Variants in RNPEPL1 observed in about 807,000 individuals in gnomAD.
The protein encoded by RNPEPL1 is aminopeptidase RNPEPL1.
Under a neutral mutation model 69.0 loss-of-function variants are expected in RNPEPL1, and 46 were observed. The ratio of observed to expected loss-of-function variants is 0.67; its 90% CI spans 0.53 to 0.85. The LOEUF is 0.85. Among genes scored for constraint, RNPEPL1 ranks in the 40% least tolerant of loss-of-function variants. The pLI is 0.00. For synonymous variants in RNPEPL1, 525 were observed against 454.1 expected (o/e 1.16, Z -1.98); for missense variants, 869 against 992.5 (o/e 0.88, Z 1.67).
intron 1 of RNPEPL1, among the ~76,000 whole-genome samples, chr2:240,570,101 T>C (rs1338105995): frequency 6.6e-6 from 1 of 152,232 alleles, no homozygotes; most frequent in African/African-American, 2.4e-5. Flanking sequence ...ATTCCAGGGC[T>C]CTGACCGGTG....
At position 240,568,536 on chromosome 2, in the gene RNPEPL1, C is replaced by G; in HGVS notation, c.-51C>G. On this transcript the variant is annotated 5_prime_UTR_variant, in exon 1 of 11. Coordinates refer to ENST00000270357, the MANE Select transcript of RNPEPL1 (RefSeq NM_018226.6). This position sits in a 1 kb window ranked among gnomAD's most constrained non-coding sequence, Gnocchi z 6.2. ...GCCGCCGCCGCCCGGCGCCCCTCGCCCGCGGCCCGGCGCGGCCGCCGCCCA... is the reference window on the plus strand; with the variant it reads ...GCCGCCGCCGCCCGGCGCCCCTCGCGCGCGGCCCGGCGCGGCCGCCGCCCA... The G allele has an allele frequency of 1.1e-6, 1 of 885,452 alleles. No individual in the cohort carries two copies. The highest frequency in any genetic ancestry group is 1.3e-6 in the Non-Finnish European group (1 of 742,864). 54.8% of individuals were successfully genotyped at this position (885,452 alleles called of 1,614,324 possible).
rs1479786717 is a variant in RNPEPL1, at chr2:240,568,799, G to T, written c.213G>T (p.Ala71=). The T allele has an allele frequency of 1.8e-6, 2 of 1,085,100 alleles. No homozygotes were observed. Among genetic ancestry groups the T allele is most frequent in the East Asian group, 1.3e-4 (2 of 15,082 alleles). The allele number at this position is 1,085,100 out of a possible 1,614,324, so 67.2% of individuals were successfully genotyped here. The change falls in exon 1 of 11, where the codon GCG becomes GCT. Residue 71 remains alanine (A), a synonymous_variant. Coordinates refer to ENST00000270357, the MANE Select transcript of RNPEPL1 (RefSeq NM_018226.6). This position sits in a 1 kb window ranked among gnomAD's most constrained non-coding sequence, Gnocchi z 6.2. ...LVLELCALRP[A]PRALVLDAHP... Reference sequence around the variant, plus strand: ...TCGAGCTGTGCGCGCTGCGGCCCGCGCCCCGCGCGCTCGTGCTCGACGCGC... The same window carrying T: ...TCGAGCTGTGCGCGCTGCGGCCCGCTCCCCGCGCGCTCGTGCTCGACGCGC...
intron 4 of RNPEPL1, 66 bp downstream of exon 4, chr2:240,573,957 T>C (rs2093030229): frequency 6.8e-7 from 1 of 1,469,704 alleles, no homozygotes; most frequent in Non-Finnish European, 9.3e-7. Context: ...GCCCCTCGTC[T>C]GACCCCTGGG....
At chr2:240,570,858 C>T (rs746581465) in intron 1 of RNPEPL1, among the ~76,000 whole-genome samples, 17 of 152,204 alleles carry the variant, frequency 1.1e-4, no homozygotes, top group Admixed American at 2.0e-4. Context: ...CCCCTCACTT[C>T]AGGGCAAGTG....
chr2:240,572,706 A>C (rs1575436318), intron 2 of RNPEPL1, 143 bp downstream of exon 2: 15 of 1,066,120 alleles, frequency 1.4e-5, no homozygotes, highest in Non-Finnish European at 1.9e-5. Context: ...CACCCTCCCT[A>C]CTCTATGGGA....
chr2:240,575,511 G>C lies in RNPEPL1; in HGVS notation c.1411G>C (p.Glu471Gln). 1 of 1,613,416 alleles carries C rather than the reference G, an allele frequency of 6.2e-7. No homozygotes were observed. Among genetic ancestry groups the C allele is most frequent in the Non-Finnish European group, 8.5e-7 (1 of 1,179,930 alleles). ...CACCTCTGCCACACAGGCCTATGTG[G>C]AGAAGTACAAGTTCACCAGCGTGGT... ...RFDDFLRAYVEKYKFTSVVAQ... is the reference protein window; with the variant it reads ...RFDDFLRAYVQKYKFTSVVAQ... The change falls in exon 8 of 11, where the codon GAG becomes CAG. Residue 471 changes from glutamate (E) to glutamine (Q), a missense_variant. Glu to Gln is a conservative substitution (Grantham distance 29, BLOSUM62 2). This residue lies in a region of RNPEPL1 where 610 missense variants were observed against 790.9 expected (regional missense o/e 0.77). Coordinates refer to ENST00000270357, the MANE Select transcript of RNPEPL1 (RefSeq NM_018226.6).
Position 240,578,688 on chromosome 2 carries a change from G to C in RNPEPL1, c.*796G>C, listed in dbSNP as rs1127207. 6,296 of 152,592 alleles carry C rather than the reference G, an allele frequency of 0.041. 155 individuals carry two copies. The highest frequency in any genetic ancestry group is 0.078 in the South Asian group (376 of 4,826). 9.5% of individuals were successfully genotyped at this position (152,592 alleles called of 1,614,324 possible). On this transcript the variant is annotated 3_prime_UTR_variant, in exon 11 of 11. Transcript: ENST00000270357. Reference sequence around the variant, plus strand: ...TCCAGCCTGGGACTGCTGTGATGGGGTATCACGGTGATGGTCCCATTAAAC... The same window carrying C: ...TCCAGCCTGGGACTGCTGTGATGGGCTATCACGGTGATGGTCCCATTAAAC...
intron 2 of RNPEPL1, 84 bp from the exon 3 acceptor site, chr2:240,573,026 T>G: frequency 7.0e-7 from 1 of 1,428,616 alleles, no homozygotes; most frequent in South Asian, 1.4e-5. Flanking sequence ...GCTACGAATA[T>G]GGGGCTGCCT....
intron 7 of RNPEPL1, 154 bp downstream of exon 7, chr2:240,575,296 G>T: frequency 1.4e-6 from 1 of 733,752 alleles, no homozygotes; most frequent in East Asian, 2.6e-5. Flanking sequence ...TGTGGGGAGT[G>T]CCTGGGTTGC....
At position 240,574,122 on chromosome 2, in the gene RNPEPL1, T is replaced by C. The variant is rs574753716; in HGVS notation, c.948T>C (p.Ile316=). Residue 316 remains isoleucine (I), a synonymous_variant, in exon 5 of 11, where the codon ATT becomes ATC. Transcript: ENST00000270357. ...CGCCCTCCCGGTGCAGGTACGACATTGTCTTCCTGCCACCCTCCTTCCCCA... is the reference window on the plus strand; with the variant it reads ...CGCCCTCCCGGTGCAGGTACGACATCGTCTTCCTGCCACCCTCCTTCCCCA... ...YGPYMWGRYD[I]VFLPPSFPIV... The C allele has an allele frequency of 1.9e-6, 3 of 1,612,386 alleles. No homozygotes were observed. The South Asian group carries it at 3.3e-5, about 18-fold the overall frequency.
At position 240,574,973 on chromosome 2, in the gene RNPEPL1, A is replaced by G. The variant is rs2093033450; in HGVS notation, c.1289-57A>G. On this transcript the variant is annotated intron_variant, in intron 6 of 10. Transcript: ENST00000270357. Reference sequence around the variant, plus strand: ...CGGAGCCTGACCACTGCCCCTCCCTATTCCACGGGACACTGGTGGTTTCGG... The same window carrying G: ...CGGAGCCTGACCACTGCCCCTCCCTGTTCCACGGGACACTGGTGGTTTCGG... The G allele has an allele frequency of 3.0e-6, 4 of 1,327,972 alleles. No individual in the cohort carries two copies. In the South Asian group the frequency reaches 4.7e-5, roughly 16 times the overall value. The allele number at this position is 1,327,972 out of a possible 1,614,324, so 82.3% of individuals were successfully genotyped here. A position where few individuals can be genotyped will look rare whatever the true frequency, so the allele number is the denominator to read the frequency against.
Position 240,579,497 on chromosome 2 carries a change from C to T in RNPEPL1, c.*1605C>T, listed in dbSNP as rs915611685. Reference sequence around the variant, plus strand: ...GGGAGGCGCCACCCCATCCAGAGACCTAGGAACTAGAAGACTGCCACTGCC... The same window carrying T: ...GGGAGGCGCCACCCCATCCAGAGACTTAGGAACTAGAAGACTGCCACTGCC... On this transcript the variant is annotated 3_prime_UTR_variant, in exon 11 of 11. Transcript: ENST00000270357. The T allele has an allele frequency of 6.6e-6, 1 of 152,280 alleles. No individual in the cohort carries two copies. The highest frequency in any genetic ancestry group is 2.4e-5 in the African/African-American group (1 of 41,458). 9.4% of individuals were successfully genotyped at this position (152,280 alleles called of 1,614,324 possible). A position where few individuals can be genotyped will look rare whatever the true frequency, so the allele number is the denominator to read the frequency against.
In RNPEPL1 at chr2:240,576,739, T is replaced by C; in HGVS notation, c.1715T>C (p.Leu572Pro). 1 of 1,612,876 alleles carries C rather than the reference T, an allele frequency of 6.2e-7. No homozygotes were observed. The highest frequency in any genetic ancestry group is 8.5e-7 in the Non-Finnish European group (1 of 1,179,894). ...TFQTALFLDR[L>P]LDGSPLPQEV... is the part of the protein sequence containing the mutation. ...CAGACAGCACTCTTCCTGGACCGGCTCCTGGATGGGTCCCCGCTGCCGCAG... is the reference window on the plus strand; with the variant it reads ...CAGACAGCACTCTTCCTGGACCGGCCCCTGGATGGGTCCCCGCTGCCGCAG... Residue 572 changes from leucine to proline, a missense_variant, in exon 9 of 11, where the codon CTC becomes CCC. Coordinates refer to ENST00000270357, the MANE Select transcript of RNPEPL1 (RefSeq NM_018226.6).
Position 240,574,542 on chromosome 2 carries a change from C to T in RNPEPL1, c.1202C>T (p.Ala401Val), listed in dbSNP as rs1183521731. ...GCTGCCTTCACCTGCCTGGAGACTGCCTTCCGCCTGGACGCCCTGCACCGG... is the reference window on the plus strand; with the variant it reads ...GCTGCCTTCACCTGCCTGGAGACTGTCTTCCGCCTGGACGCCCTGCACCGG... ...YGAAFTCLET[A>V]FRLDALHRQM... The change falls in exon 6 of 11, where the codon GCC (alanine) becomes GTC (valine). Residue 401 changes from alanine to valine, a missense_variant. Ala to Val is a moderately conservative substitution (Grantham distance 64). This residue lies in a region of RNPEPL1 where 610 missense variants were observed against 790.9 expected (regional missense o/e 0.77). Coordinates refer to ENST00000270357, the MANE Select transcript of RNPEPL1 (RefSeq NM_018226.6). 1 of 1,612,536 alleles carries T rather than the reference C, an allele frequency of 6.2e-7. No homozygotes were observed. The highest frequency in any genetic ancestry group is 2.2e-5 in the East Asian group (1 of 44,852).
chr2:240,573,423 C>T (rs949503241), intron 3 of RNPEPL1, among the ~76,000 whole-genome samples, 162 bp downstream of exon 3: 1 of 152,194 alleles, frequency 6.6e-6, no homozygotes, highest in East Asian at 1.9e-4. Flanking sequence ...CGCCAGGGCC[C>T]TGCCACCCAT....
At chr2:240,577,331 AG>A (rs1447376359) in intron 10 of RNPEPL1, among the ~76,000 whole-genome samples, 1 of 152,206 alleles carries the variant, frequency 6.6e-6, no homozygotes. Context: ...CAGAGCCCTC[AG>A]GCCCGTGGGC....
chr2:240,569,121 C>T lies in RNPEPL1; in HGVS notation c.528+7C>T, dbSNP rs1335837726. 6.8e-7 allele frequency: 1 copy of T among 1,476,814 alleles called. No homozygotes were observed. The highest frequency in any genetic ancestry group is 8.9e-7 in the Non-Finnish European group (1 of 1,121,132). 91.5% of individuals were successfully genotyped at this position (1,476,814 alleles called of 1,614,324 possible). ...CTCGACCGACGCCCCCGCCGTGAGTCCGGGGCGGGCGCCGGGGCTGCGGGC... is the reference window on the plus strand; with the variant it reads ...CTCGACCGACGCCCCCGCCGTGAGTTCGGGGCGGGCGCCGGGGCTGCGGGC... On this transcript the variant is annotated splice_region_variant and intron_variant, in intron 1 of 10. Transcript: ENST00000270357.
intron 8 of RNPEPL1, chr2:240,576,282 G>A: frequency 1.7e-6 from 1 of 573,638 alleles, no homozygotes; most frequent in Non-Finnish European, 3.1e-6. Context: ...ACCCAGGAGA[G>A]GCGTGGAGTG....
At chr2:240,577,138 G>T in intron 10 of RNPEPL1, 148 bp downstream of exon 10, 8 of 1,009,416 alleles carry the variant, frequency 7.9e-6, no homozygotes, top group Non-Finnish European at 8.7e-6. Flanking sequence ...TGTTGGGAGT[G>T]GGGGCATGCA....
Sources: allele counts gnomAD v4.1 joint callset (sites outside exome capture counted in the v4.1 genomes callset), GRCh38; gene constraint gnomAD v4.1.1; regional missense constraint gnomAD v4.1.1; non-coding constraint Gnocchi (gnomAD v3.1); transcripts MANE v1.5; gene names NCBI Gene and HGNC (gene_info 2026-07-23, HGNC 2026-07-21).